Variants in PRKCZ observed in about 807,000 individuals in gnomAD.
PRKCZ encodes protein kinase C zeta, also known as protein kinase C zeta type.
In PRKCZ, 33 loss-of-function variants were observed where a neutral mutation model predicts 79.5. The observed-to-expected ratio is 0.41, with a 90% CI of 0.31 to 0.55. The LOEUF is 0.55. Ranked by LOEUF, PRKCZ falls within the 20% of genes least tolerant of loss-of-function variation. The pLI, the probability that PRKCZ is intolerant of heterozygous loss-of-function variation, is 0.19. For synonymous variants in PRKCZ, 342 were observed against 320.9 expected, an observed-to-expected ratio of 1.07 and a Z score of -0.70; for missense variants, 578 against 813.5, an observed-to-expected ratio of 0.71 and a Z score of 3.52.
rs1224361282 is a variant in PRKCZ at position 2,174,100 on chromosome 1, C to T, written c.1405+84C>T. ...CAAAGGTGCAGGTGGAGGGGTCCCG[C>T]GGGTGCCTGGAGCGGCAGTGCCATG... is the stretch of plus-strand genomic sequence containing the variant. On this transcript the variant is annotated intron_variant, in intron 14 of 17. Transcript: ENST00000378567. This position sits in a 1 kb window ranked among gnomAD's most constrained non-coding sequence, Gnocchi z 6.2. 2.5e-5 allele frequency: 36 copies of T among 1,467,186 alleles called. No individual in the cohort carries two copies. Among genetic ancestry groups the T allele is most frequent in the African/African-American group, 8.6e-5 (6 of 69,626 alleles). 90.9% of individuals were successfully genotyped at this position (1,467,186 alleles called of 1,614,324 possible). A position where few individuals can be genotyped will look rare whatever the true frequency, so the allele number is the denominator to read the frequency against.
chr1:2,100,149 G>A (rs752009415), intron 4 of PRKCZ, among the ~76,000 whole-genome samples: 46 of 152,188 alleles, frequency 3.0e-4, no homozygotes, highest in Admixed American at 9.8e-4. Context: ...CCCTGCTTCC[G>A]ACCCCACCAC....
At chr1:2,055,404 C>T in intron 1 of PRKCZ, 37 bp from the exon 2 acceptor site, 1 of 1,555,248 alleles carries the variant, frequency 6.4e-7, no homozygotes, top group South Asian at 1.2e-5. Flanking sequence ...TCAAATATGC[C>T]CCACGGTAAC....
intron 4 of PRKCZ, among the ~76,000 whole-genome samples, chr1:2,085,614 C>T (rs1157574359): frequency 2.0e-5 from 3 of 152,012 alleles, no homozygotes; most frequent in Non-Finnish European, 2.9e-5. Context: ...TCTCAGAGCC[C>T]GTGAGGCACC....
rs531324018 is a variant in PRKCZ, at chr1:2,136,230, T to C, written c.420+883T>C. Among the ~76,000 whole-genome samples the C allele has an allele frequency of 1.0e-3, 155 of 152,326 alleles. 2 individuals are homozygous for C. Among genetic ancestry groups the C allele is most frequent in the Middle Eastern group, 3.4e-3 (1 of 294 alleles). ...TGCCCTCTAGACCATCAGGAAGTTC[T>C]GTTCATGTGAGCCACTCCTCCTGCC... On this transcript the variant is annotated intron_variant, in intron 5 of 17. Coordinates refer to ENST00000378567, the MANE Select transcript of PRKCZ (RefSeq NM_002744.6).
chr1:2,108,357 G>A (rs1571437037), intron 4 of PRKCZ, among the ~76,000 whole-genome samples: 2 of 152,242 alleles, frequency 1.3e-5, no homozygotes, highest in Non-Finnish European at 1.5e-5. Flanking sequence ...TGTCCCTGCA[G>A]CCATGCATTG....
chr1:2,136,244 A>G (rs1256980906), intron 5 of PRKCZ, among the ~76,000 whole-genome samples: 1 of 151,682 alleles, frequency 6.6e-6, no homozygotes, highest in South Asian at 2.1e-4. Context: ...CATGTGAGCC[A>G]CTCCTCCTGC....
At chr1:2,113,017 C>G (rs1307515568) in intron 4 of PRKCZ, among the ~76,000 whole-genome samples, 1 of 152,196 alleles carries the variant, frequency 6.6e-6, no homozygotes, top group African/African-American at 2.4e-5. Context: ...TTGTGACTTA[C>G]AGTCATCAGC....
intron 9 of PRKCZ, 78 bp from the exon 10 acceptor site, chr1:2,155,917 C>G: frequency 8.0e-7 from 1 of 1,257,318 alleles, no homozygotes. Context: ...AGAGACTCCT[C>G]CCTTGCCTCC....
chr1:2,085,956 C>T (rs373325444), intron 4 of PRKCZ, among the ~76,000 whole-genome samples: 2 of 152,272 alleles, frequency 1.3e-5, no homozygotes, highest in South Asian at 2.1e-4. Context: ...TTGGCATCAT[C>T]CCAGGAGTAA....
intron 4 of PRKCZ, among the ~76,000 whole-genome samples, chr1:2,112,065 A>T (rs1669846593): frequency 2.0e-5 from 3 of 152,144 alleles, no homozygotes; most frequent in Non-Finnish European, 4.4e-5. Flanking sequence ...ACGTCTCCCA[A>T]ACTCCAAGTG....
chr1:2,068,271 C>T (rs1280643103), intron 4 of PRKCZ, among the ~76,000 whole-genome samples: 4 of 152,202 alleles, frequency 2.6e-5, no homozygotes, highest in Non-Finnish European at 4.4e-5. Context: ...CTCAGAGACC[C>T]CCCGCCTTCC....
chr1:2,105,561 A>G (rs1249388934), intron 4 of PRKCZ, among the ~76,000 whole-genome samples: 1 of 152,060 alleles, frequency 6.6e-6, no homozygotes, highest in African/African-American at 2.4e-5. Flanking sequence ...CACCATGCGC[A>G]GCTAATTTTT....
intron 7 of PRKCZ, among the ~76,000 whole-genome samples, chr1:2,148,268 C>G (rs1679104242): frequency 6.6e-6 from 1 of 152,104 alleles, no homozygotes; most frequent in Non-Finnish European, 1.5e-5. Flanking sequence ...ACCTCTCCAT[C>G]TATCCATCTA....
intron 10 of PRKCZ, among the ~76,000 whole-genome samples, chr1:2,162,529 G>A (rs909562799): frequency 3.3e-5 from 5 of 152,146 alleles, no homozygotes; most frequent in African/African-American, 4.8e-5. Flanking sequence ...TCAGGAACCC[G>A]GTTTACCTTT....
intron 4 of PRKCZ, chr1:2,074,310 G>A (rs1294616951): frequency 6.5e-7 from 1 of 1,549,486 alleles, no homozygotes; most frequent in African/African-American, 1.4e-5. Context: ...GTGTGGCGGT[G>A]GCTGTGGAGG....
At chr1:2,158,798 G>C (rs1301128871) in intron 10 of PRKCZ, among the ~76,000 whole-genome samples, 2 of 152,180 alleles carry the variant, frequency 1.3e-5, no homozygotes, top group South Asian at 4.1e-4. Flanking sequence ...TCCCAGATGC[G>C]TAAACCTGAA....
rs1174861191 is a variant in PRKCZ, at chr1:2,121,677, G to A, written c.335-13585G>A. ...GGTGGTGGTTAGGGTCGTGGTGGTG[G>A]TTAGGGTCACGGTGGTGGTTAGGGT... On this transcript the variant is annotated intron_variant, in intron 4 of 17. Transcript: ENST00000378567. Among the ~76,000 whole-genome samples, 17 of 113,628 alleles carry A rather than the reference G, an allele frequency of 1.5e-4. 1 individual carries two copies. Among genetic ancestry groups the A allele is most frequent in the African/African-American group, 6.4e-4 (17 of 26,472 alleles). The allele number at this position is 113,628 out of a possible 152,430, so 74.5% of individuals were successfully genotyped here.
chr1:2,100,883 C>A (rs1221424989), intron 4 of PRKCZ, among the ~76,000 whole-genome samples: 1 of 151,968 alleles, frequency 6.6e-6, no homozygotes, highest in Non-Finnish European at 1.5e-5. Flanking sequence ...CAACACACCC[C>A]CTGAGGTGTG....
At chr1:2,161,023 G>A (rs1052140625) in intron 10 of PRKCZ, among the ~76,000 whole-genome samples, 3 of 152,076 alleles carry the variant, frequency 2.0e-5, no homozygotes, top group African/African-American at 7.2e-5. Context: ...CCTCGGCCGC[G>A]ACCTTGGGAA....
Sources: allele counts gnomAD v4.1 joint callset (sites outside exome capture counted in the v4.1 genomes callset), GRCh38; gene constraint gnomAD v4.1.1; non-coding constraint Gnocchi (gnomAD v3.1); transcripts MANE v1.5; gene names NCBI Gene and HGNC (gene_info 2026-07-23, HGNC 2026-07-21).